TBC1D5: variants seen among roughly 807,000 people sequenced by gnomAD.
TBC1D5 encodes the protein TBC1 domain family member 5.
In TBC1D5, 75 loss-of-function variants were observed where a neutral mutation model predicts 100.3. The ratio of observed to expected loss-of-function variants is 0.75; its 90% CI spans 0.62 to 0.91. TBC1D5 has a LOEUF of 0.91. Among genes scored for constraint, TBC1D5 ranks in the 40% least tolerant of loss-of-function variants. The pLI is 0.00. For missense variants in TBC1D5, 910 were observed against 942.4 expected, an observed-to-expected ratio of 0.97 and a Z score of 0.45; for synonymous variants, 323 against 325.6, an observed-to-expected ratio of 0.99 and a Z score of 0.09.
chr3:17,676,573 T>C (rs890616740), intron 1 of TBC1D5, among the ~76,000 whole-genome samples: 1 of 152,334 alleles, frequency 6.6e-6, no homozygotes, highest in Non-Finnish European at 1.5e-5. Flanking sequence ...ATGGCCATAC[T>C]GCCCAAGGTA....
At chr3:17,475,850 TG>T (rs1333692796) in intron 3 of TBC1D5, among the ~76,000 whole-genome samples, 31 of 152,110 alleles carry the variant, frequency 2.0e-4, no homozygotes, top group African/African-American at 7.5e-4. Flanking sequence ...ATTTCCAAAA[TG>T]TTTGAACCAA....
chr3:17,286,512 A>C (rs1328270168), intron 15 of TBC1D5, among the ~76,000 whole-genome samples: 1 of 152,206 alleles, frequency 6.6e-6, no homozygotes, highest in Non-Finnish European at 1.5e-5. Flanking sequence ...AAATCTGCTT[A>C]GTAGTTCTAA....
At chr3:17,729,598 T>C (rs1165970884) in intron 1 of TBC1D5, among the ~76,000 whole-genome samples, 1 of 152,112 alleles carries the variant, frequency 6.6e-6, no homozygotes, top group East Asian at 1.9e-4. Flanking sequence ...TCCCAGCTCC[T>C]CAGGAGGCTG....
chr3:17,433,859 T>A (rs2094488386), intron 3 of TBC1D5, among the ~76,000 whole-genome samples: 1 of 152,098 alleles, frequency 6.6e-6, no homozygotes, highest in Admixed American at 6.5e-5. Flanking sequence ...CATTGAGCAA[T>A]ACACCCGCTC....
intron 13 of TBC1D5, among the ~76,000 whole-genome samples, chr3:17,370,896 G>A (rs1257745771): frequency 2.0e-5 from 3 of 152,072 alleles, no homozygotes; most frequent in Non-Finnish European, 2.9e-5. Context: ...ACCTAATGGA[G>A]AGTCAAGCTT....
chr3:17,283,928 T>C (rs990259338), intron 15 of TBC1D5, among the ~76,000 whole-genome samples: 6 of 152,076 alleles, frequency 3.9e-5, no homozygotes, highest in Non-Finnish European at 8.8e-5. Context: ...TTGCATTTGC[T>C]ATTCCCCTTC....
intron 15 of TBC1D5, among the ~76,000 whole-genome samples, chr3:17,268,999 A>G (rs2079102438): frequency 6.6e-6 from 1 of 152,150 alleles, no homozygotes; most frequent in Non-Finnish European, 1.5e-5. Context: ...ATCAGGACCT[A>G]TAGGGATCCA....
intron 8 of TBC1D5, 89 bp from the exon 9 acceptor site, chr3:17,384,104 G>T: frequency 8.7e-7 from 1 of 1,155,124 alleles, no homozygotes; most frequent in Non-Finnish European, 1.2e-6. Flanking sequence ...GCCAAGGGCT[G>T]CTTCAGGTTT....
chr3:17,507,181 T>C (rs2095853407), intron 3 of TBC1D5, among the ~76,000 whole-genome samples: 1 of 152,220 alleles, frequency 6.6e-6, no homozygotes, highest in Admixed American at 6.5e-5. Flanking sequence ...AATAATTTGA[T>C]TTATTTAACT....
chr3:17,712,527 T>G (rs910789598), intron 1 of TBC1D5, among the ~76,000 whole-genome samples: 2 of 152,192 alleles, frequency 1.3e-5, no homozygotes, highest in African/African-American at 2.4e-5. Flanking sequence ...AGAATCAAAC[T>G]TGCATCTCTG....
At chr3:17,585,964 G>C (rs994009187) in intron 2 of TBC1D5, among the ~76,000 whole-genome samples, 1 of 152,210 alleles carries the variant, frequency 6.6e-6, no homozygotes, top group African/African-American at 2.4e-5. Flanking sequence ...AGAAATGGTG[G>C]GGGAGTGGGG....
chr3:17,326,616 G>A (rs936072291), intron 13 of TBC1D5, among the ~76,000 whole-genome samples: 2 of 152,080 alleles, frequency 1.3e-5, no homozygotes, highest in African/African-American at 4.8e-5. Context: ...GAGACCACAG[G>A]TATTCACCAC....
At position 17,736,164 on chromosome 3, in the gene TBC1D5, A is replaced by C. The variant is rs1027222413; in HGVS notation, c.-101+3179T>G. Among the ~76,000 whole-genome samples, 16 of 152,328 alleles carry C rather than the reference A, an allele frequency of 1.1e-4. No individual in the cohort carries two copies. The South Asian group carries it at 2.1e-3, about 20-fold the overall frequency. On this transcript the variant is annotated intron_variant, in intron 1 of 21. Coordinates refer to ENST00000253692, the Ensembl canonical transcript of TBC1D5. ...CAGTCACCTTCCCCAGCTAGGCTTAAGAATTCTTAGTCGGCCTAGGAAATC... is the reference window on the plus strand; with the variant it reads ...CAGTCACCTTCCCCAGCTAGGCTTACGAATTCTTAGTCGGCCTAGGAAATC...
chr3:17,703,406 ATAAG>A (rs142310481), intron 1 of TBC1D5, among the ~76,000 whole-genome samples: 182 of 152,268 alleles, frequency 1.2e-3, no homozygotes, highest in African/African-American at 4.2e-3. Context: ...TGAAACATAA[ATAAG>A]TAGGCAAATT....
At chr3:17,464,801 A>G (rs559160292) in intron 3 of TBC1D5, among the ~76,000 whole-genome samples, 72 of 152,176 alleles carry the variant, frequency 4.7e-4, no homozygotes, top group Non-Finnish European at 9.1e-4. Context: ...TCTGAAAACT[A>G]CAACTATTTT....
chr3:17,385,031 C>T (rs2093095986), intron 8 of TBC1D5, among the ~76,000 whole-genome samples: 1 of 151,816 alleles, frequency 6.6e-6, no homozygotes, highest in Admixed American at 6.6e-5. Context: ...TTTAAAAGTC[C>T]CAAACCCAAG....
At position 17,334,816 on chromosome 3, in the gene TBC1D5, A is replaced by G. The variant is rs545028485; in HGVS notation, c.996-26682T>C. Among the ~76,000 whole-genome samples, 20 of 152,262 alleles carry G rather than the reference A, an allele frequency of 1.3e-4. 1 individual carries two copies. The South Asian group carries it at 3.5e-3, about 27-fold the overall frequency. ...ATTTCCACAGAATTGTATCAAAAGGATTCAGCAAGGTAATTGCAGTTGAGA... is the reference window on the plus strand; with the variant it reads ...ATTTCCACAGAATTGTATCAAAAGGGTTCAGCAAGGTAATTGCAGTTGAGA... On this transcript the variant is annotated intron_variant, in intron 13 of 21. Transcript: ENST00000253692.
Position 17,428,528 on chromosome 3 carries a change from A to C in TBC1D5, c.98-9T>G, listed in dbSNP as rs2094388207. ...ATTTTTATTTGAATCTCCTGGAGAA[A>C]AAAATTACGACACTGAAATAATGGA... On this transcript the variant is annotated splice_polypyrimidine_tract_variant and intron_variant, in intron 3 of 21. Coordinates refer to ENST00000253692, the Ensembl canonical transcript of TBC1D5. The C allele has an allele frequency of 6.9e-7, 1 of 1,454,024 alleles. No homozygotes were observed. The highest frequency in any genetic ancestry group is 2.3e-5 in the Admixed American group (1 of 42,988). 90.1% of individuals were successfully genotyped at this position (1,454,024 alleles called of 1,614,324 possible).
At chr3:17,658,794 C>G (rs2066356415) in intron 1 of TBC1D5, among the ~76,000 whole-genome samples, 1 of 152,164 alleles carries the variant, frequency 6.6e-6, no homozygotes, top group East Asian at 1.9e-4. Flanking sequence ...TCCCGAGTAG[C>G]TGGGATTGCA....
Sources: allele counts gnomAD v4.1 joint callset (sites outside exome capture counted in the v4.1 genomes callset), GRCh38; gene constraint gnomAD v4.1.1; transcripts MANE v1.5; gene names NCBI Gene and HGNC (gene_info 2026-07-23, HGNC 2026-07-21).